The following NUMB variants were observed in gnomAD, a reference collection of about 807,000 sequenced individuals.
The protein encoded by NUMB is NUMB endocytic adaptor protein.
In NUMB, 29 loss-of-function variants were observed where a neutral mutation model predicts 59.7. The ratio of observed to expected loss-of-function variants is 0.49; its 90% CI spans 0.36 to 0.66. The LOEUF (loss-of-function observed/expected upper bound fraction) is 0.66, where lower values mean the gene tolerates loss of function less well. NUMB is among the 30% of genes least tolerant of loss of function. The pLI is 0.00. For missense variants in NUMB, 723 were observed against 822.0 expected (o/e 0.88, Z 1.47); for synonymous variants, 288 against 288.2 (o/e 1.00, Z 0.01).
intron 4 of NUMB, among the ~76,000 whole-genome samples, chr14:73,350,101 A>ACACACACACACACACACACACACACACC: frequency 6.7e-6 from 1 of 149,946 alleles, no homozygotes; most frequent in African/African-American, 2.5e-5. Flanking sequence ...ACACACACAC[A>ACACACACACACACACACACACACACACC]CACACACTGA....
intron 2 of NUMB, among the ~76,000 whole-genome samples, chr14:73,407,685 T>C (rs567371060): frequency 5.9e-5 from 9 of 152,366 alleles, no homozygotes; most frequent in Admixed American, 5.2e-4. Flanking sequence ...TAAATCACTT[T>C]GGAATGAGAA....
At chr14:73,436,933 C>T (rs1431658879) in intron 1 of NUMB, among the ~76,000 whole-genome samples, 2 of 150,156 alleles carry the variant, frequency 1.3e-5, no homozygotes, top group Admixed American at 6.7e-5. Flanking sequence ...AAACTGAGAT[C>T]GTATCACTGC....
rs1379272754 is a variant in NUMB, at chr14:73,449,033, TTTTC to T, written c.-233+9456_-233+9459del. Among the ~76,000 whole-genome samples the T allele has an allele frequency of 5.3e-5, 8 of 152,156 alleles. 1 individual carries two copies. Among genetic ancestry groups the T allele is most frequent in the Non-Finnish European group, 1.2e-4 (8 of 68,024 alleles). ...ATGGTTGTAATGAACATGTACCTAC[TTTTC>T]TTTCTTGTCATTATACCCTAAACAA... On this transcript the variant is annotated intron_variant, in intron 1 of 12. Transcript: ENST00000555238.
intron 1 of NUMB, among the ~76,000 whole-genome samples, chr14:73,451,599 T>C (rs541909007): frequency 6.6e-6 from 1 of 152,086 alleles, no homozygotes; most frequent in East Asian, 1.9e-4. Flanking sequence ...TGGGCATCTT[T>C]AAATAAAATA....
chr14:73,291,036 C>T (rs1225897183), intron 8 of NUMB, among the ~76,000 whole-genome samples: 1 of 151,842 alleles, frequency 6.6e-6, no homozygotes, highest in Non-Finnish European at 1.5e-5. Flanking sequence ...CAATTTCTAG[C>T]GTTGTTCATT....
intron 1 of NUMB, among the ~76,000 whole-genome samples, chr14:73,420,080 G>A (rs1897293264): frequency 6.6e-6 from 1 of 152,150 alleles, no homozygotes; most frequent in Non-Finnish European, 1.5e-5. Context: ...TGGCCAAGCT[G>A]GTCTTCCTGA....
chr14:73,386,085 A>G (rs1895510632), intron 2 of NUMB, among the ~76,000 whole-genome samples: 1 of 152,116 alleles, frequency 6.6e-6, no homozygotes, highest in Non-Finnish European at 1.5e-5. Context: ...TGATTTAAGA[A>G]GAACTGTTAT....
intron 8 of NUMB, among the ~76,000 whole-genome samples, chr14:73,289,303 T>C (rs1889233294): frequency 1.3e-5 from 2 of 152,198 alleles, no homozygotes; most frequent in Non-Finnish European, 2.9e-5. Flanking sequence ...AGGACGTATA[T>C]AAACAAAACA....
In NUMB at chr14:73,375,275, G is replaced by A. The variant is rs188775404; in HGVS notation, c.-100-8294C>T. 3.1e-3 allele frequency among the ~76,000 whole-genome samples: 477 copies of A among 152,158 alleles called. 5 individuals carry two copies. Among genetic ancestry groups the A allele is most frequent in the African/African-American group, 0.011 (455 of 41,524 alleles). On this transcript the variant is annotated intron_variant, in intron 2 of 12. Coordinates refer to ENST00000555238, the MANE Select transcript of NUMB (RefSeq NM_001005743.2). Reference sequence around the variant, plus strand: ...TAATAATCACAGATAACATTTCATCGTCCCTTACTATGTGCCAGCTATTAA... The same window carrying A: ...TAATAATCACAGATAACATTTCATCATCCCTTACTATGTGCCAGCTATTAA...
At chr14:73,379,333 C>T (rs772815769) in intron 2 of NUMB, among the ~76,000 whole-genome samples, 3 of 152,104 alleles carry the variant, frequency 2.0e-5, no homozygotes, top group Non-Finnish European at 2.9e-5. Context: ...AACCAGAAAA[C>T]ATGTTCATTC....
chr14:73,279,725 C>T (rs1888481975), intron 11 of NUMB, among the ~76,000 whole-genome samples: 1 of 152,202 alleles, frequency 6.6e-6, no homozygotes, highest in African/African-American at 2.4e-5. Flanking sequence ...TTAAGGTGAA[C>T]AGAGCTGCTG....
chr14:73,319,066 GA>G (rs1341867482), intron 5 of NUMB, among the ~76,000 whole-genome samples: 1 of 152,124 alleles, frequency 6.6e-6, no homozygotes, highest in Non-Finnish European at 1.5e-5. Context: ...CTAAGGTCAG[GA>G]GTTGGAGATC....
intron 1 of NUMB, among the ~76,000 whole-genome samples, chr14:73,411,522 A>G (rs971935374): frequency 7.9e-5 from 12 of 152,200 alleles, no homozygotes; most frequent in African/African-American, 2.9e-4. Flanking sequence ...GTTATTTACA[A>G]AACTGTAAAT....
chr14:73,429,282 G>A (rs888604582), intron 1 of NUMB, among the ~76,000 whole-genome samples: 1 of 152,050 alleles, frequency 6.6e-6, no homozygotes, highest in South Asian at 2.1e-4. Flanking sequence ...TGAGGCAGGA[G>A]AATGCCGTGA....
At chr14:73,367,279 C>CTATATATATATA (rs748523624) in intron 2 of NUMB, among the ~76,000 whole-genome samples, 124 of 122,532 alleles carry the variant, frequency 1.0e-3, no homozygotes, top group African/African-American at 3.1e-3. Context: ...AAATAAAATA[C>CTATATATATATA]TATATATATA....
At chr14:73,333,851 T>C (rs1049774004) in intron 4 of NUMB, among the ~76,000 whole-genome samples, 2 of 152,062 alleles carry the variant, frequency 1.3e-5, no homozygotes, top group African/African-American at 2.4e-5. Context: ...AAGAATTGTA[T>C]GGTTTTAGAT....
chr14:73,353,069 C>CTTCTTTTTCTTTT (rs1566756859), intron 4 of NUMB, among the ~76,000 whole-genome samples: 1 of 18,084 alleles, frequency 5.5e-5, no homozygotes, highest in Non-Finnish European at 1.0e-4. Flanking sequence ...CACAGTTTTT[C>CTTCTTTTTCTTTT]TTGTTTTTTT....
At chr14:73,395,661 G>A (rs1240906929) in intron 2 of NUMB, among the ~76,000 whole-genome samples, 2 of 152,122 alleles carry the variant, frequency 1.3e-5, no homozygotes, top group South Asian at 2.1e-4. Flanking sequence ...AATTTAAAAG[G>A]GGTTATTCCA....
At chr14:73,302,865 G>T (rs182283580) in intron 6 of NUMB, among the ~76,000 whole-genome samples, 33 of 152,244 alleles carry the variant, frequency 2.2e-4, no homozygotes, top group African/African-American at 7.7e-4. Context: ...AGGCCATCAG[G>T]CCGCAGTTAA....
Sources: gnomAD v4.1 joint callset for allele counts (sites outside exome capture counted in the v4.1 genomes callset) on GRCh38, gnomAD v4.1.1 for gene constraint, MANE v1.5 for transcripts, NCBI Gene and HGNC (gene_info 2026-07-23, HGNC 2026-07-21) for gene names.